RERE: variants seen among roughly 807,000 people sequenced by gnomAD.
The protein encoded by RERE is arginine-glutamic acid dipeptide repeats protein.
Under a neutral mutation model 146.1 loss-of-function variants are expected in RERE, and 40 were observed. That is an observed-to-expected ratio of 0.27 (90% CI 0.21 to 0.36). The LOEUF (loss-of-function observed/expected upper bound fraction) is 0.36, where lower values mean the gene tolerates loss of function less well. Ranked by LOEUF, RERE falls within the 10% of genes least tolerant of loss-of-function variation. The pLI is 1.00. For missense variants in RERE, 1,933 were observed against 2,138.7 expected (o/e 0.90, Z 1.90); for synonymous variants, 1,003 against 866.0 (o/e 1.16, Z -2.78).
chr1:8,495,274 C>T (rs1052669908), intron 9 of RERE, 112 bp from the exon 10 acceptor site: 8 of 740,672 alleles, frequency 1.1e-5, no homozygotes, highest in African/African-American at 3.5e-5. Flanking sequence ...CATTACTACA[C>T]GCATGATGAA....
intron 10 of RERE, 80 bp downstream of exon 10, chr1:8,494,983 G>T: frequency 1.9e-6 from 2 of 1,039,796 alleles, no homozygotes; most frequent in East Asian, 2.5e-5. Flanking sequence ...TTCATGCTCC[G>T]CACTCATCAC....
intron 1 of RERE, among the ~76,000 whole-genome samples, chr1:8,666,843 TA>T (rs1472086526): frequency 6.6e-6 from 1 of 152,188 alleles, no homozygotes; most frequent in African/African-American, 2.4e-5. Flanking sequence ...ACCAACCACA[TA>T]AGCAAAGAGC....
intron 4 of RERE, among the ~76,000 whole-genome samples, chr1:8,560,127 T>C (rs983387092): frequency 2.0e-5 from 3 of 152,238 alleles, no homozygotes; most frequent in Non-Finnish European, 2.9e-5. Context: ...AGCACCTGTT[T>C]GGCAGTGCTT....
chr1:8,355,321 A>G, intron 22 of RERE, 98 bp downstream of exon 22: 1 of 1,364,488 alleles, frequency 7.3e-7, no homozygotes. Context: ...TCCAGGGCCC[A>G]GCAGGCAGAG....
intron 4 of RERE, among the ~76,000 whole-genome samples, chr1:8,583,789 T>A (rs1646395729): frequency 1.3e-5 from 2 of 152,156 alleles, no homozygotes; most frequent in African/African-American, 4.8e-5. Context: ...TGCCATTTTT[T>A]TAACACTGCA....
intron 10 of RERE, among the ~76,000 whole-genome samples, chr1:8,486,990 G>C (rs1644911066): frequency 6.6e-6 from 1 of 152,040 alleles, no homozygotes; most frequent in African/African-American, 2.4e-5. Flanking sequence ...TTATTACAAA[G>C]AAGGAAGACT....
chr1:8,743,158 G>A (rs944277051), intron 1 of RERE, among the ~76,000 whole-genome samples: 2 of 152,070 alleles, frequency 1.3e-5, no homozygotes, highest in Non-Finnish European at 2.9e-5. Flanking sequence ...CACTTTGGGA[G>A]GCTAACATGG....
At chr1:8,501,037 G>GT (rs1645135450) in intron 8 of RERE, among the ~76,000 whole-genome samples, 1 of 136,200 alleles carries the variant, frequency 7.3e-6, no homozygotes, top group Non-Finnish European at 1.6e-5. Flanking sequence ...CGGGAGGGGG[G>GT]GGGGGGGTCA....
At chr1:8,370,086 A>G (rs1429718380) in intron 12 of RERE, among the ~76,000 whole-genome samples, 2 of 151,998 alleles carry the variant, frequency 1.3e-5, no homozygotes, top group Non-Finnish European at 2.9e-5. Flanking sequence ...CACCGTGCCC[A>G]GCCAGAAACT....
intron 8 of RERE, among the ~76,000 whole-genome samples, chr1:8,501,586 C>T (rs538030594): frequency 8.3e-5 from 11 of 132,648 alleles, no homozygotes; most frequent in African/African-American, 3.2e-4. Flanking sequence ...ACCCCTCTGC[C>T]CGGCCAGCCG....
At chr1:8,781,071 T>TGG in intron 1 of RERE, among the ~76,000 whole-genome samples, 1 of 149,636 alleles carries the variant, frequency 6.7e-6, no homozygotes, top group East Asian at 2.0e-4. Context: ...AAAAAAAAAA[T>TGG]TCTCGGCCAG....
At chr1:8,737,154 C>A (rs1052573382) in intron 1 of RERE, among the ~76,000 whole-genome samples, 4 of 152,162 alleles carry the variant, frequency 2.6e-5, no homozygotes, top group Non-Finnish European at 4.4e-5. Flanking sequence ...TGGACTGTTT[C>A]CTTTTTTTTT....
chr1:8,378,172 A>G (rs1642325247), intron 12 of RERE, among the ~76,000 whole-genome samples: 1 of 152,236 alleles, frequency 6.6e-6, no homozygotes, highest in African/African-American at 2.4e-5. Flanking sequence ...AAAGCACAAA[A>G]ACACAAGTAC....
intron 2 of RERE, among the ~76,000 whole-genome samples, chr1:8,642,679 A>G (rs1647195666): frequency 6.6e-6 from 1 of 152,232 alleles, no homozygotes; most frequent in African/African-American, 2.4e-5. Context: ...TTATAAGCTG[A>G]ATTTTTTAAA....
chr1:8,776,691 T>A (rs1256153406), intron 1 of RERE, among the ~76,000 whole-genome samples: 1 of 152,138 alleles, frequency 6.6e-6, no homozygotes, highest in Non-Finnish European at 1.5e-5. Context: ...AAACCATCAA[T>A]GTTTCAACTT....
rs548220418 is a variant in RERE at position 8,701,765 on chromosome 1, AG to A, written c.-144-45325del. Among the ~76,000 whole-genome samples the A allele has an allele frequency of 1.9e-4, 29 of 152,246 alleles. 1 individual carries two copies. The South Asian group carries it at 5.8e-3, about 30-fold the overall frequency. On this transcript the variant is annotated intron_variant, in intron 1 of 22. Coordinates refer to ENST00000400908, the MANE Select transcript of RERE (RefSeq NM_001042681.2). ...CTGGTCCCAGGGATCTTTATAAAAT[AG>A]TTTAAACACTACTAAATTACAGAGT...
At chr1:8,604,619 AGGG>A (rs1418085517) in intron 4 of RERE, among the ~76,000 whole-genome samples, 4,441 of 90,144 alleles carry the variant, frequency 0.049, 80 homozygotes, top group African/African-American at 0.083. Flanking sequence ...GGAGGGAGGG[AGGG>A]AGGAAGGAAG....
intron 11 of RERE, 152 bp downstream of exon 11, chr1:8,465,773 T>C: frequency 1.4e-6 from 1 of 703,422 alleles, no homozygotes; most frequent in Non-Finnish European, 2.6e-6. Flanking sequence ...ATTAAGGGGC[T>C]GAAGGGCCCC....
intron 12 of RERE, among the ~76,000 whole-genome samples, chr1:8,400,977 C>G (rs1643231423): frequency 7.5e-6 from 1 of 132,848 alleles, no homozygotes; most frequent in African/African-American, 2.8e-5. Flanking sequence ...ATGACTGCAC[C>G]ACTGCACTCC....
Sources: allele counts gnomAD v4.1 joint callset (sites outside exome capture counted in the v4.1 genomes callset), GRCh38; gene constraint gnomAD v4.1.1; transcripts MANE v1.5; gene names NCBI Gene and HGNC (gene_info 2026-07-23, HGNC 2026-07-21).